The following BNIP3L variants were observed in gnomAD, a reference collection of about 807,000 sequenced individuals.
BNIP3L encodes BCL2/adenovirus E1B 19 kDa protein-interacting protein 3-like.
In BNIP3L, 10 loss-of-function variants were observed where a neutral mutation model predicts 25.5. That is an observed-to-expected ratio of 0.39 (90% CI 0.24 to 0.67). The LOEUF is 0.67. Among genes scored for constraint, BNIP3L ranks in the 30% least tolerant of loss-of-function variants. The probability of loss-of-function intolerance (pLI) is 0.45; values close to 1 mark genes in which losing one functional copy is unlikely to be tolerated. For synonymous variants in BNIP3L, 113 were observed against 101.2 expected, an observed-to-expected ratio of 1.12 and a Z score of -0.70; for missense variants, 215 against 270.9, an observed-to-expected ratio of 0.79 and a Z score of 1.45.
intron 1 of BNIP3L, among the ~76,000 whole-genome samples, chr8:26,383,685 C>T (rs1160802444): frequency 6.7e-6 from 1 of 149,512 alleles, no homozygotes; most frequent in Non-Finnish European, 1.5e-5. Flanking sequence ...CGGGACGTGT[C>T]GGGGATCAGG....
chr8:26,391,920 G>C (rs1016217783), intron 2 of BNIP3L, among the ~76,000 whole-genome samples: 1 of 152,194 alleles, frequency 6.6e-6, no homozygotes, highest in Non-Finnish European at 1.5e-5. Flanking sequence ...TTGATTCATA[G>C]GAACTGCAGG....
At position 26,410,496 on chromosome 8, in the gene BNIP3L, T is replaced by G. The variant is rs1460275903; in HGVS notation, c.*84T>G. Reference sequence around the variant, plus strand: ...AGCTTATTTGAACTTGAGACCATTGTAAGCATGACCCAACCTACCACCCTG... The same window carrying G: ...AGCTTATTTGAACTTGAGACCATTGGAAGCATGACCCAACCTACCACCCTG... On this transcript the variant is annotated 3_prime_UTR_variant, in exon 6 of 6. Coordinates refer to ENST00000380629, the MANE Select transcript of BNIP3L (RefSeq NM_004331.3). 2.7e-6 allele frequency: 4 copies of G among 1,508,784 alleles called. No homozygotes were observed. Among genetic ancestry groups the G allele is most frequent in the Non-Finnish European group, 3.7e-6 (4 of 1,085,866 alleles). 93.5% of individuals were successfully genotyped at this position (1,508,784 alleles called of 1,614,324 possible). A position where few individuals can be genotyped will look rare whatever the true frequency, so the allele number is the denominator to read the frequency against.
At position 26,386,403 on chromosome 8, in the gene BNIP3L, CT is replaced by C. The variant is rs1401403022; in HGVS notation, c.100+3181del. On this transcript the variant is annotated intron_variant, in intron 1 of 5. Coordinates refer to ENST00000380629, the MANE Select transcript of BNIP3L (RefSeq NM_004331.3). Reference sequence around the variant, plus strand: ...AATTCTTGTTGTTGAGAAGTATAGCCTTTTTTTTCTTTTCAAATTTTCTTGT... The same window carrying C: ...AATTCTTGTTGTTGAGAAGTATAGCCTTTTTTTCTTTTCAAATTTTCTTGT... Among the ~76,000 whole-genome samples, 6 of 151,776 alleles carry C rather than the reference CT, an allele frequency of 4.0e-5. No individual in the cohort carries two copies. In the South Asian group the frequency reaches 1.0e-3, roughly 26 times the overall value.
chr8:26,402,672 C>A (rs992096501), intron 3 of BNIP3L, among the ~76,000 whole-genome samples: 1 of 152,170 alleles, frequency 6.6e-6, no homozygotes, highest in Admixed American at 6.6e-5. Context: ...TGCCTGTAGT[C>A]TCAGCTACTT....
chr8:26,405,361 G>T (rs908216240), intron 3 of BNIP3L, among the ~76,000 whole-genome samples: 2 of 152,182 alleles, frequency 1.3e-5, no homozygotes, highest in Non-Finnish European at 2.9e-5. Flanking sequence ...GATGATTTCA[G>T]TGTTACTCCA....
intron 1 of BNIP3L, among the ~76,000 whole-genome samples, chr8:26,389,944 A>G (rs768799683): frequency 1.3e-5 from 2 of 152,094 alleles, no homozygotes; most frequent in Non-Finnish European, 2.9e-5. Flanking sequence ...CATCCCTGGA[A>G]CTCTCTAACA....
chr8:26,402,532 C>G (rs1806409411), intron 3 of BNIP3L, among the ~76,000 whole-genome samples: 1 of 152,156 alleles, frequency 6.6e-6, no homozygotes, highest in Non-Finnish European at 1.5e-5. Context: ...AACATTTGTT[C>G]AAAGGTCAAA....
chr8:26,383,252 T>TG, intron 1 of BNIP3L, 22 bp downstream of exon 1: 1 of 1,595,390 alleles, frequency 6.3e-7, no homozygotes, highest in Non-Finnish European at 8.5e-7. Flanking sequence ...GCCGAGGCTC[T>TG]GTGAAGGGGA....
intron 3 of BNIP3L, among the ~76,000 whole-genome samples, chr8:26,402,763 C>T (rs2117488344): frequency 6.6e-6 from 1 of 152,054 alleles, no homozygotes; most frequent in East Asian, 1.9e-4. Flanking sequence ...CTCTCTGTCT[C>T]TAAAAAAAAG....
chr8:26,408,252 C>CTTA lies in BNIP3L; in HGVS notation c.487_488insTTA (p.Arg163delinsLeuSer), dbSNP rs746836011. The CTTA allele has an allele frequency of 6.2e-7, 1 of 1,614,058 alleles. No homozygotes were observed. The highest frequency in any genetic ancestry group is 8.5e-7 in the Non-Finnish European group (1 of 1,179,976). On this transcript the variant is annotated protein_altering_variant, in exon 5 of 6. Coordinates refer to ENST00000380629, the MANE Select transcript of BNIP3L (RefSeq NM_004331.3). ...GGAGTTCCACTTCAGACACCCTAAA[C>CTTA]GTTCTGTGTCTTTAAGCATGAGGAA... is the stretch of plus-strand genomic sequence containing the variant.
At chr8:26,384,606 C>T (rs73675961) in intron 1 of BNIP3L, among the ~76,000 whole-genome samples, 14,655 of 152,172 alleles carry the variant, frequency 0.096, 779 homozygotes, top group Non-Finnish European at 0.11. Flanking sequence ...TAGCTAACTG[C>T]CTCCTGTTGT....
intron 1 of BNIP3L, among the ~76,000 whole-genome samples, chr8:26,384,244 AC>A (rs764109829): frequency 8.5e-5 from 13 of 152,092 alleles, no homozygotes; most frequent in Non-Finnish European, 1.6e-4. Flanking sequence ...TCTTTTCAAA[AC>A]CACTTGGATG....
rs996252948 is a variant in BNIP3L, at chr8:26,383,605, G to A, written c.100+375G>A. The A allele has an allele frequency of 7.4e-5, 40 of 537,234 alleles. No individual in the cohort carries two copies. The Admixed American group carries it at 1.2e-3, about 16-fold the overall frequency. 33.3% of individuals were successfully genotyped at this position (537,234 alleles called of 1,614,324 possible). On this transcript the variant is annotated intron_variant, in intron 1 of 5. Coordinates refer to ENST00000380629, the MANE Select transcript of BNIP3L (RefSeq NM_004331.3). ...GCGGGCCGCGGAGGGGACGTGGGCC[G>A]GGATGGGGACGTGCGGCGGGGACGC...
chr8:26,404,478 A>G (rs1806455906), intron 3 of BNIP3L, among the ~76,000 whole-genome samples: 1 of 152,074 alleles, frequency 6.6e-6, no homozygotes, highest in Non-Finnish European at 1.5e-5. Context: ...AAAACAAAGA[A>G]CTCCATGTGA....
At chr8:26,394,991 A>AT (rs1297800932) in intron 2 of BNIP3L, among the ~76,000 whole-genome samples, 1 of 152,216 alleles carries the variant, frequency 6.6e-6, no homozygotes, top group Non-Finnish European at 1.5e-5. Context: ...CAAATTTATC[A>AT]TTTTGAAGGA....
At chr8:26,383,522 G>T (rs886335746) in intron 1 of BNIP3L, 4 of 600,684 alleles carry the variant, frequency 6.7e-6, no homozygotes, top group Non-Finnish European at 8.5e-6. Context: ...CCCAGCAGCG[G>T]AGCCGGGCGG....
chr8:26,389,124 C>G (rs1444695188), intron 1 of BNIP3L, among the ~76,000 whole-genome samples: 1 of 152,032 alleles, frequency 6.6e-6, no homozygotes, highest in Non-Finnish European at 1.5e-5. Flanking sequence ...TCTGGAACTC[C>G]TGGTTCCTTA....
intron 5 of BNIP3L, among the ~76,000 whole-genome samples, chr8:26,409,615 A>C (rs1285616733): frequency 6.6e-6 from 1 of 152,178 alleles, no homozygotes; most frequent in East Asian, 1.9e-4. Flanking sequence ...GTAGGAGTTT[A>C]ATACATTGCT....
At chr8:26,390,397 C>T (rs780654053) in intron 1 of BNIP3L, 3 of 985,290 alleles carry the variant, frequency 3.0e-6, no homozygotes, top group Non-Finnish European at 3.6e-6. Context: ...TCCAAGAAAA[C>T]TTTTCGTGTT....
Sources: allele counts gnomAD v4.1 joint callset (sites outside exome capture counted in the v4.1 genomes callset), GRCh38; gene constraint gnomAD v4.1.1; transcripts MANE v1.5; gene names NCBI Gene and HGNC (gene_info 2026-07-23, HGNC 2026-07-21).